MTUS2: variants seen among roughly 807,000 people sequenced by gnomAD.
The protein encoded by MTUS2 is microtubule associated scaffold protein 2, also known as microtubule-associated tumor suppressor candidate 2.
In MTUS2, 40 loss-of-function variants were observed where a neutral mutation model predicts 114.1. The ratio of observed to expected loss-of-function variants is 0.35; its 90% confidence interval spans 0.27 to 0.46. MTUS2 has a LOEUF of 0.46. Among genes scored for constraint, MTUS2 ranks in the 20% least tolerant of loss-of-function variants. MTUS2 has a pLI of 1.00. For synonymous variants in MTUS2, 688 were observed against 672.0 expected (o/e 1.02, Z -0.37); for missense variants, 1,679 against 1,705.4 (o/e 0.98, Z 0.27).
intron 7 of MTUS2, among the ~76,000 whole-genome samples, chr13:29,347,578 G>A (rs77674181): frequency 0.076 from 11,448 of 151,278 alleles, 1,456 homozygotes; most frequent in African/African-American, 0.26. Context: ...GACACGACAC[G>A]TGTGGGGTTT....
At chr13:28,835,502 G>A (rs1438514397) in intron 1 of MTUS2, among the ~76,000 whole-genome samples, 3 of 152,186 alleles carry the variant, frequency 2.0e-5, no homozygotes, top group African/African-American at 7.2e-5. Context: ...CTGGGCTGAG[G>A]AGGGCTGTGG....
At chr13:28,835,635 C>A (rs1276954113) in intron 1 of MTUS2, among the ~76,000 whole-genome samples, 1 of 152,162 alleles carries the variant, frequency 6.6e-6, no homozygotes, top group Non-Finnish European at 1.5e-5. Flanking sequence ...CTTTTAAGAT[C>A]ATGAATTTTA....
chr13:29,058,334 T>C (rs1244259304), intron 4 of MTUS2, among the ~76,000 whole-genome samples: 2 of 151,868 alleles, frequency 1.3e-5, no homozygotes, highest in African/African-American at 4.8e-5. Flanking sequence ...TCTACTGAGG[T>C]TGGGGAAATG....
chr13:29,188,524 A>G (rs1188746487), intron 5 of MTUS2, among the ~76,000 whole-genome samples: 1 of 152,188 alleles, frequency 6.6e-6, no homozygotes, highest in Non-Finnish European at 1.5e-5. Flanking sequence ...ACATAGTTTA[A>G]ATAAGCAGAG....
intron 6 of MTUS2, among the ~76,000 whole-genome samples, chr13:29,295,299 T>C (rs186864473): frequency 3.1e-3 from 468 of 152,300 alleles, no homozygotes; most frequent in African/African-American, 0.011. Context: ...CTTCTAGCTA[T>C]TTGAGAATAT....
intron 2 of MTUS2, among the ~76,000 whole-genome samples, chr13:28,867,437 A>G (rs980039016): frequency 6.8e-6 from 1 of 147,066 alleles, no homozygotes; most frequent in Admixed American, 6.7e-5. Flanking sequence ...TGAATGTACT[A>G]GGGGCTTCCG....
chr13:28,912,014 C>G (rs541977781), intron 2 of MTUS2, among the ~76,000 whole-genome samples: 2 of 152,070 alleles, frequency 1.3e-5, no homozygotes, highest in Non-Finnish European at 1.5e-5. Flanking sequence ...TAATTCGATT[C>G]CATTTGTCAA....
chr13:29,470,073 G>A lies in MTUS2; in HGVS notation c.3185-10077G>A, dbSNP rs566408155. Among the ~76,000 whole-genome samples the A allele has an allele frequency of 7.9e-5, 12 of 152,122 alleles. No individual in the cohort carries two copies. In the South Asian group the frequency reaches 2.5e-3, roughly 32 times the overall value. ...AATGCCCAAAATGCCCTTCACCTTA[G>A]TACAGCCAAATCTCAAATATCCTTT... On this transcript the variant is annotated intron_variant, in intron 9 of 15. Coordinates refer to ENST00000612955, the MANE Select transcript of MTUS2 (RefSeq NM_001033602.4).
At chr13:29,032,978 A>T (rs907763142) in intron 3 of MTUS2, among the ~76,000 whole-genome samples, 2 of 152,198 alleles carry the variant, frequency 1.3e-5, no homozygotes, top group African/African-American at 4.8e-5. Context: ...AACACTGATA[A>T]TATGAACAGA....
chr13:29,197,958 G>A (rs1212631782), intron 5 of MTUS2, among the ~76,000 whole-genome samples: 2 of 152,126 alleles, frequency 1.3e-5, no homozygotes, highest in Non-Finnish European at 2.9e-5. Flanking sequence ...TTAGCCCTTT[G>A]TCAGATAAAT....
At chr13:28,841,191 A>G (rs1236171756) in intron 2 of MTUS2, among the ~76,000 whole-genome samples, 6 of 152,230 alleles carry the variant, frequency 3.9e-5, no homozygotes, top group Non-Finnish European at 1.5e-5. Flanking sequence ...ACAAAAAGCT[A>G]TGATGTTGCT....
intron 2 of MTUS2, among the ~76,000 whole-genome samples, chr13:29,002,370 G>T (rs1333406113): frequency 2.0e-5 from 3 of 152,142 alleles, no homozygotes; most frequent in African/African-American, 4.8e-5. Context: ...TCTGCTCTTG[G>T]CTGGTGTTTC....
chr13:28,855,055 T>A (rs1031083426), intron 2 of MTUS2, among the ~76,000 whole-genome samples: 7 of 152,208 alleles, frequency 4.6e-5, no homozygotes, highest in Non-Finnish European at 1.5e-5. Flanking sequence ...TTCATTGGTT[T>A]AGTCAGTTCC....
chr13:29,056,442 G>A (rs1888137683), intron 4 of MTUS2, among the ~76,000 whole-genome samples: 2 of 151,980 alleles, frequency 1.3e-5, no homozygotes, highest in Admixed American at 1.3e-4. Flanking sequence ...ACATTGTTTA[G>A]AATTTGGCTA....
chr13:28,969,662 G>A (rs1368565291), intron 2 of MTUS2, among the ~76,000 whole-genome samples: 1 of 151,376 alleles, frequency 6.6e-6, no homozygotes. Context: ...GCAGCACCAC[G>A]CCCAGCTAAT....
At chr13:29,319,527 G>GTAGCC (rs927950824) in intron 6 of MTUS2, among the ~76,000 whole-genome samples, 1 of 152,192 alleles carries the variant, frequency 6.6e-6, no homozygotes, top group Non-Finnish European at 1.5e-5. Flanking sequence ...AATTCCCGAG[G>GTAGCC]TAGGGCTGTC....
At position 29,435,150 on chromosome 13, in the gene MTUS2, G is replaced by A. The variant is rs562496171; in HGVS notation, c.3118-4833G>A. Among the ~76,000 whole-genome samples, 526 of 152,314 alleles carry A rather than the reference G, an allele frequency of 3.5e-3. 4 individuals are homozygous for A. The highest frequency in any genetic ancestry group is 5.8e-3 in the Non-Finnish European group (397 of 68,024). Reference sequence around the variant, plus strand: ...AGGTAGCTAAGAAGAAACAGCTGCTGTTTTGGGGCTTAGATAAATGTTCTT... The same window carrying A: ...AGGTAGCTAAGAAGAAACAGCTGCTATTTTGGGGCTTAGATAAATGTTCTT... On this transcript the variant is annotated intron_variant, in intron 8 of 15. Transcript: ENST00000612955.
At chr13:28,854,288 A>T (rs1290642014) in intron 2 of MTUS2, among the ~76,000 whole-genome samples, 2 of 152,130 alleles carry the variant, frequency 1.3e-5, no homozygotes, top group Non-Finnish European at 2.9e-5. Flanking sequence ...CCAGGAAGTC[A>T]TTTCTCTCCA....
chr13:28,898,603 C>T (rs1879434355), intron 2 of MTUS2, among the ~76,000 whole-genome samples: 1 of 152,082 alleles, frequency 6.6e-6, no homozygotes, highest in Non-Finnish European at 1.5e-5. Flanking sequence ...TTAGAAAGTA[C>T]CATCTGAGTG....
Sources: allele counts gnomAD v4.1 joint callset (sites outside exome capture counted in the v4.1 genomes callset), GRCh38; gene constraint gnomAD v4.1.1; transcripts MANE v1.5; gene names NCBI Gene and HGNC (gene_info 2026-07-23, HGNC 2026-07-21).